Variants in ARHGAP26 observed in about 807,000 individuals in gnomAD.
The protein encoded by ARHGAP26 is rho GTPase-activating protein 26.
ARHGAP26 carries 38 observed loss-of-function variants against 104.8 expected under a neutral mutation model. That is an observed-to-expected ratio of 0.36 (90% confidence interval 0.28 to 0.48). The LOEUF (loss-of-function observed/expected upper bound fraction) is 0.48. Ranked by LOEUF, ARHGAP26 falls within the 20% of genes least tolerant of loss-of-function variation. The pLI is 0.99. For missense variants in ARHGAP26, 704 were observed against 947.9 expected (o/e 0.74, Z 3.38); for synonymous variants, 341 against 340.0 (o/e 1.00, Z -0.03).
At chr5:143,148,673 T>C (rs1422825375) in intron 20 of ARHGAP26, among the ~76,000 whole-genome samples, 1 of 152,156 alleles carries the variant, frequency 6.6e-6, no homozygotes, top group Admixed American at 6.5e-5. Flanking sequence ...GGGCAGTGAG[T>C]CTCTTCCGGT....
At chr5:143,058,854 G>A (rs538492727) in intron 17 of ARHGAP26, among the ~76,000 whole-genome samples, 3 of 152,292 alleles carry the variant, frequency 2.0e-5, no homozygotes, top group East Asian at 1.9e-4. Flanking sequence ...GAAGGAATTC[G>A]GCAAAGCCAC....
Position 143,174,237 on chromosome 5 carries a change from C to T in ARHGAP26, c.1988+26856C>T, listed in dbSNP as rs142981356. 4.0e-3 allele frequency among the ~76,000 whole-genome samples: 607 copies of T among 152,308 alleles called. 1 individual carries two copies. The highest frequency in any genetic ancestry group is 0.012 in the African/African-American group (494 of 41,562). Reference sequence around the variant, plus strand: ...GGATCCGGTTGGGTATGTTGTTGTACATCTCCACAATGGCATGCTACATAG... The same window carrying T: ...GGATCCGGTTGGGTATGTTGTTGTATATCTCCACAATGGCATGCTACATAG... On this transcript the variant is annotated intron_variant, in intron 20 of 22. Transcript: ENST00000645722.
chr5:142,829,157 T>C (rs1374073793), intron 1 of ARHGAP26, among the ~76,000 whole-genome samples: 2 of 152,244 alleles, frequency 1.3e-5, no homozygotes, highest in Non-Finnish European at 2.9e-5. Context: ...TTCTGTCCTC[T>C]AGATTTCTGA....
chr5:142,934,472 C>G (rs1362859176), intron 11 of ARHGAP26, among the ~76,000 whole-genome samples: 2 of 152,178 alleles, frequency 1.3e-5, no homozygotes, highest in Admixed American at 6.5e-5. Flanking sequence ...CAAATGATGT[C>G]TGTGTAATTG....
At chr5:142,890,151 AATATATATATATATATATATATATATAT>A (rs752591382) in intron 5 of ARHGAP26, among the ~76,000 whole-genome samples, 13 of 32,436 alleles carry the variant, frequency 4.0e-4, no homozygotes, top group Admixed American at 9.8e-4. Flanking sequence ...AAAAAAAAAA[AATATATATATATATATATATATATATAT>A]ATATATATAT....
In ARHGAP26 at chr5:143,057,695, C is replaced by T; in HGVS notation, c.1486C>T (p.Leu496Phe). The change falls in exon 17 of 23, where the codon CTC becomes TTC. Residue 496 changes from leucine (L) to phenylalanine (F), a missense_variant. By Grantham distance (22) the Leu-to-Phe change is conservative. Coordinates refer to ENST00000645722, the MANE Select transcript of ARHGAP26 (RefSeq NM_001135608.3). ...VSEIHSLVHR[L>F]PEKNRQMLQL... Reference sequence around the variant, plus strand: ...TGAAATCCACAGCCTTGTTCATCGGCTCCCAGAGAAAAATCGGCAGATGTT... The same window carrying T: ...TGAAATCCACAGCCTTGTTCATCGGTTCCCAGAGAAAAATCGGCAGATGTT... The T allele has an allele frequency of 6.2e-7, 1 of 1,613,994 alleles. No individual in the cohort carries two copies. Among genetic ancestry groups the T allele is most frequent in the Non-Finnish European group, 8.5e-7 (1 of 1,179,890 alleles).
chr5:143,072,380 GA>G (rs1287116025), intron 17 of ARHGAP26, among the ~76,000 whole-genome samples: 2 of 152,170 alleles, frequency 1.3e-5, no homozygotes, highest in African/African-American at 4.8e-5. Context: ...ACAACAACAT[GA>G]TCCAGCAGTC....
At chr5:143,163,374 G>A (rs554179189) in intron 20 of ARHGAP26, among the ~76,000 whole-genome samples, 2 of 152,298 alleles carry the variant, frequency 1.3e-5, no homozygotes, top group African/African-American at 4.8e-5. Context: ...GCCTTGAAGT[G>A]TATAATTTCC....
chr5:142,851,165 C>T (rs766958826), intron 1 of ARHGAP26, among the ~76,000 whole-genome samples: 7 of 150,662 alleles, frequency 4.6e-5, no homozygotes, highest in Non-Finnish European at 8.8e-5. Context: ...TGCATGATCT[C>T]GGCTCACTGC....
chr5:142,998,909 G>A (rs888434327), intron 11 of ARHGAP26, among the ~76,000 whole-genome samples: 6 of 152,046 alleles, frequency 3.9e-5, no homozygotes, highest in African/African-American at 1.4e-4. Flanking sequence ...ACATTTGCAG[G>A]ACCTTATTCC....
Position 142,903,659 on chromosome 5 carries a change from G to A in ARHGAP26, c.822G>A (p.Val274=), listed in dbSNP as rs1457614814. The A allele has an allele frequency of 8.1e-6, 13 of 1,613,412 alleles. No homozygotes were observed. The highest frequency in any genetic ancestry group is 1.3e-5 in the African/African-American group (1 of 74,892). ...SPYTMEGYLY[V]QEKRHFGTSW... is the part of the protein sequence containing the mutation. ...ACACCATGGAGGGATACCTCTACGT[G>A]CAGGAGAAACGTGAGTGCTTTGACT... The change falls in exon 8 of 23, where the codon GTG becomes GTA. Residue 274 remains valine (V), a synonymous_variant. Transcript: ENST00000645722.
intron 1 of ARHGAP26, among the ~76,000 whole-genome samples, chr5:142,858,688 C>G (rs1013900046): frequency 2.0e-5 from 3 of 152,164 alleles, no homozygotes; most frequent in Non-Finnish European, 2.9e-5. Flanking sequence ...TACTGCCTGC[C>G]TGGGGTTTAT....
chr5:142,867,115 A>T (rs1347445113), intron 1 of ARHGAP26, among the ~76,000 whole-genome samples: 2 of 152,100 alleles, frequency 1.3e-5, no homozygotes, highest in African/African-American at 4.8e-5. Context: ...CACTGCCTTT[A>T]AGGCTGGCCC....
chr5:142,775,904 A>G (rs1756222852), intron 1 of ARHGAP26, among the ~76,000 whole-genome samples: 2 of 152,186 alleles, frequency 1.3e-5, no homozygotes, highest in Non-Finnish European at 2.9e-5. Flanking sequence ...AGTCATAAAA[A>G]TGTATTTTTT....
At chr5:143,027,722 A>G (rs1781269601) in intron 12 of ARHGAP26, among the ~76,000 whole-genome samples, 2 of 152,384 alleles carry the variant, frequency 1.3e-5, no homozygotes, top group South Asian at 2.1e-4. Flanking sequence ...ATTAAGATGC[A>G]TAGCACTGGC....
rs775417807 is a variant in ARHGAP26 at position 142,907,752 on chromosome 5, A to T, written c.881A>T (p.Asp294Val). ...AAGCACTACTGTACATATCAACGGGATTCCAAACAAATCACCATGGTACCA... is the reference window on the plus strand; with the variant it reads ...AAGCACTACTGTACATATCAACGGGTTTCCAAACAAATCACCATGGTACCA... The part of the protein sequence containing the change: ...WVKHYCTYQR[D>V]SKQITMVPFD... The change falls in exon 9 of 23, where the codon GAT (aspartate) becomes GTT (valine). Residue 294 changes from aspartate to valine, a missense_variant. Physicochemically the swap from Asp to Val is radical, Grantham distance 152. Transcript: ENST00000645722. 1.2e-6 allele frequency: 2 copies of T among 1,612,746 alleles called. No homozygotes were observed. The highest frequency in any genetic ancestry group is 1.7e-6 in the Non-Finnish European group (2 of 1,179,070).
chr5:142,944,248 A>G (rs528401043), intron 11 of ARHGAP26, among the ~76,000 whole-genome samples: 22 of 152,162 alleles, frequency 1.4e-4, no homozygotes, highest in Non-Finnish European at 2.8e-4. Flanking sequence ...TTTTGACATA[A>G]TAATAGCTTT....
At chr5:143,069,543 G>A (rs1787958827) in intron 17 of ARHGAP26, among the ~76,000 whole-genome samples, 2 of 152,170 alleles carry the variant, frequency 1.3e-5, no homozygotes, top group African/African-American at 4.8e-5. Flanking sequence ...GTACTAAGGC[G>A]GTAGTTGGGG....
At chr5:143,159,784 G>A (rs1800959596) in intron 20 of ARHGAP26, among the ~76,000 whole-genome samples, 1 of 152,196 alleles carries the variant, frequency 6.6e-6, no homozygotes, top group African/African-American at 2.4e-5. Flanking sequence ...ACATGGGTGG[G>A]TGTAATATCT....
Sources: gnomAD v4.1 joint callset for allele counts (sites outside exome capture counted in the v4.1 genomes callset) on GRCh38, gnomAD v4.1.1 for gene constraint, MANE v1.5 for transcripts, NCBI Gene and HGNC (gene_info 2026-07-23, HGNC 2026-07-21) for gene names.